Variants in CDC42 observed in about 807,000 individuals in gnomAD.
CDC42 encodes cell division control protein 42 homolog.
CDC42 carries 1 observed loss-of-function variant against 20.8 expected under a neutral mutation model. That is an observed-to-expected ratio of 0.05 (90% CI 0.02 to 0.23). CDC42 has a LOEUF of 0.23. Ranked by LOEUF, CDC42 falls within the 10% of genes least tolerant of loss-of-function variation. CDC42 has a pLI of 1.00. For missense variants in CDC42, 49 were observed against 227.9 expected, an observed-to-expected ratio of 0.21 and a Z score of 5.05; for synonymous variants, 72 against 84.8, an observed-to-expected ratio of 0.85 and a Z score of 0.83.
At chr1:22,082,028 G>A (rs760388457) in intron 3 of CDC42, among the ~76,000 whole-genome samples, 1 of 152,154 alleles carries the variant, frequency 6.6e-6, no homozygotes, top group Non-Finnish European at 1.5e-5. Context: ...GAAGTAGAGT[G>A]AGACTAGAGT....
At chr1:22,086,399 T>G in intron 3 of CDC42, 40 bp from the exon 4 acceptor site, 1 of 1,367,398 alleles carries the variant, frequency 7.3e-7, no homozygotes. Flanking sequence ...ACACCAAGAT[T>G]CAGTTGCTGA....
chr1:22,070,134 T>G (rs1645469292), intron 1 of CDC42, among the ~76,000 whole-genome samples: 1 of 152,202 alleles, frequency 6.6e-6, no homozygotes, highest in African/African-American at 2.4e-5. Flanking sequence ...ATTGAACATG[T>G]AAAAAGTAAA....
chr1:22,073,170 G>A (rs540351866), intron 1 of CDC42, among the ~76,000 whole-genome samples: 1 of 152,296 alleles, frequency 6.6e-6, no homozygotes, highest in Non-Finnish European at 1.5e-5. Context: ...AAAATCTGTA[G>A]TGTGTGGACT....
chr1:22,095,635 C>T lies in CDC42; in HGVS notation c.*4118C>T, dbSNP rs1358929768. 6.6e-6 allele frequency among the ~76,000 whole-genome samples: 1 copy of T among 152,154 alleles called. No individual in the cohort carries two copies. The highest frequency in any genetic ancestry group is 2.4e-5 in the African/African-American group (1 of 41,436). On this transcript the variant is annotated 3_prime_UTR_variant, in exon 6 of 6. Transcript: ENST00000656825. ...AGTGCCTCCACCTTAAAAAAAATTC[C>T]TTATTTTATTCACTTGCCAGAATAA...
At chr1:22,075,109 T>C (rs748882626) in intron 1 of CDC42, among the ~76,000 whole-genome samples, 2 of 152,230 alleles carry the variant, frequency 1.3e-5, no homozygotes, top group Non-Finnish European at 2.9e-5. Context: ...AACAACTAAA[T>C]TTAAGTTTAG....
At chr1:22,084,609 T>TTG (rs1216861933) in intron 3 of CDC42, among the ~76,000 whole-genome samples, 14 of 152,178 alleles carry the variant, frequency 9.2e-5, no homozygotes, top group Non-Finnish European at 2.1e-4. Flanking sequence ...TTTTCCTATT[T>TTG]TGTGGGTTGC....
At chr1:22,084,350 T>TTA (rs1297040949) in intron 3 of CDC42, among the ~76,000 whole-genome samples, 2 of 149,544 alleles carry the variant, frequency 1.3e-5, no homozygotes, top group South Asian at 4.3e-4. Context: ...TTTTTTTTTT[T>TTA]TTTTTTTTTT....
In CDC42 at chr1:22,094,294, A is replaced by ATTTTGTTTTT. The variant is rs1645741205; in HGVS notation, c.*2781_*2782insGTTTTTTTTT. On this transcript the variant is annotated 3_prime_UTR_variant, in exon 6 of 6. Transcript: ENST00000656825. Reference sequence around the variant, plus strand: ...GTTTTACTGAACATCCTAGAAATAGATTTTTTTTTTTTTTTTTTTTTGAGA... The same window carrying ATTTTGTTTTT: ...GTTTTACTGAACATCCTAGAAATAGATTTTGTTTTTTTTTTTTTTTTTTTTTTTTTTGAGA... Among the ~76,000 whole-genome samples the ATTTTGTTTTT allele has an allele frequency of 2.6e-5, 1 of 38,292 alleles. No homozygotes were observed. The highest frequency in any genetic ancestry group is 1.2e-4 in the African/African-American group (1 of 8,188). The allele number at this position is 38,292 out of a possible 152,430, so 25.1% of individuals were successfully genotyped here.
At chr1:22,064,299 T>A (rs1011977120) in intron 1 of CDC42, 23 of 90,470 alleles carry the variant, frequency 2.5e-4, no homozygotes, top group African/African-American at 9.8e-4. Flanking sequence ...GCTCTTTTTT[T>A]AAAATTTTTT....
chr1:22,055,867 G>GTT (rs35437576), intron 1 of CDC42, among the ~76,000 whole-genome samples: 4,277 of 126,598 alleles, frequency 0.034, 190 homozygotes, highest in African/African-American at 0.067. Context: ...TTGTTTTAGA[G>GTT]TTTTTTTTTT....
chr1:22,089,898 C>A, intron 5 of CDC42: 1 of 1,599,790 alleles, frequency 6.3e-7, no homozygotes, highest in South Asian at 1.1e-5. Flanking sequence ...TCTTTCTAAT[C>A]CTCTAACCTG....
Position 22,093,444 on chromosome 1 carries a change from G to A in CDC42, c.*1927G>A, listed in dbSNP as rs1022693568. ...TATCAGAATACAGGTTCTGTGCTGC[G>A]AATCTGAATATGGGATACATTTTCT... On this transcript the variant is annotated 3_prime_UTR_variant, in exon 6 of 6. Coordinates refer to ENST00000656825, the MANE Select transcript of CDC42 (RefSeq NM_001791.4). Among the ~76,000 whole-genome samples, 6 of 152,286 alleles carry A rather than the reference G, an allele frequency of 3.9e-5. No individual in the cohort carries two copies. The highest frequency in any genetic ancestry group is 1.9e-4 in the East Asian group (1 of 5,194).
At chr1:22,086,628 T>G (rs1334973773) in intron 4 of CDC42, 41 bp from the exon 5 acceptor site, 1 of 1,601,414 alleles carries the variant, frequency 6.2e-7, no homozygotes, top group Admixed American at 1.7e-5. Context: ...ATTAGAGGCT[T>G]GTTGATTAAC....
intron 1 of CDC42, among the ~76,000 whole-genome samples, chr1:22,057,515 G>C (rs1645315451): frequency 6.6e-6 from 1 of 152,096 alleles, no homozygotes; most frequent in African/African-American, 2.4e-5. Context: ...CTCTTGAGTA[G>C]CTGGGATTGC....
chr1:22,091,585 A>G lies in CDC42; in HGVS notation c.*68A>G. ...ATACTAAAAGCAATGTTTAAATCAA[A>G]CTAAAGATTAAAAATTAAAATTCGT... On this transcript the variant is annotated 3_prime_UTR_variant, in exon 6 of 6. Transcript: ENST00000656825. 1.8e-6 allele frequency: 2 copies of G among 1,123,022 alleles called. No homozygotes were observed. The highest frequency in any genetic ancestry group is 2.6e-6 in the Non-Finnish European group (2 of 759,362). The allele number at this position is 1,123,022 out of a possible 1,614,324, so 69.6% of individuals were successfully genotyped here. A position where few individuals can be genotyped will look rare whatever the true frequency, so the allele number is the denominator to read the frequency against.
At chr1:22,091,301 G>A (rs1645713429) in intron 5 of CDC42, 127 bp from the exon 6 acceptor site, 1 of 622,602 alleles carries the variant, frequency 1.6e-6, no homozygotes, top group East Asian at 2.8e-5. Context: ...ATTGTGTTGA[G>A]ATTCAGGGTT....
At chr1:22,054,461 A>G (rs1355937727) in intron 1 of CDC42, among the ~76,000 whole-genome samples, 1 of 152,092 alleles carries the variant, frequency 6.6e-6, no homozygotes, top group African/African-American at 2.4e-5. Context: ...AGCAGAGATC[A>G]CAATTTTTGT....
chr1:22,086,040 T>G (rs1249788472), intron 3 of CDC42, among the ~76,000 whole-genome samples: 1 of 152,180 alleles, frequency 6.6e-6, no homozygotes, highest in Non-Finnish European at 1.5e-5. Flanking sequence ...GAGATGAGGC[T>G]TCATCATGTT....
At chr1:22,076,502 C>G (rs1645552053) in intron 1 of CDC42, among the ~76,000 whole-genome samples, 1 of 152,114 alleles carries the variant, frequency 6.6e-6, no homozygotes, top group African/African-American at 2.4e-5. Flanking sequence ...TACAGTTCTC[C>G]CAGTTACTGG....
Sources: allele counts gnomAD v4.1 joint callset (sites outside exome capture counted in the v4.1 genomes callset), GRCh38; gene constraint gnomAD v4.1.1; transcripts MANE v1.5; gene names NCBI Gene and HGNC (gene_info 2026-07-23, HGNC 2026-07-21).